LRRC3B: variants seen among roughly 807,000 people sequenced by gnomAD.
The protein encoded by LRRC3B is leucine-rich repeat-containing protein 3B.
LRRC3B carries 2 observed loss-of-function variants against 12.8 expected under a neutral mutation model. That is an observed-to-expected ratio of 0.16 (90% CI 0.06 to 0.49). LRRC3B has a LOEUF of 0.49. Ranked by LOEUF, LRRC3B falls within the 20% of genes least tolerant of loss-of-function variation. The pLI is 0.96. For missense variants in LRRC3B, 189 were observed against 319.4 expected (o/e 0.59, Z 3.11); for synonymous variants, 132 against 122.0 (o/e 1.08, Z -0.54).
rs143392773 is a variant in LRRC3B, at chr3:26,673,788, C to T, written c.-160-35725C>T. Among the ~76,000 whole-genome samples the T allele has an allele frequency of 4.8e-3, 733 of 152,240 alleles. 4 individuals are homozygous for T. Among genetic ancestry groups the T allele is most frequent in the African/African-American group, 0.016 (682 of 41,538 alleles). ...CCTCCACTGAAACAGGAAGTCTGCA[C>T]AAAATCAGTCAGCTCTAGGAGAGTT... On this transcript the variant is annotated intron_variant, in intron 1 of 1. Coordinates refer to ENST00000396641, the Ensembl canonical transcript of LRRC3B.
At chr3:26,644,678 C>T (rs895457077) in intron 1 of LRRC3B, among the ~76,000 whole-genome samples, 11 of 152,222 alleles carry the variant, frequency 7.2e-5, no homozygotes, top group Non-Finnish European at 1.2e-4. Context: ...TTATTAAGGG[C>T]ATTTTGGGAC....
rs9854958 is a variant in LRRC3B, at chr3:26,639,700, C to T, written c.-161+16463C>T. Among the ~76,000 whole-genome samples, 1,381 of 152,170 alleles carry T rather than the reference C, an allele frequency of 9.1e-3. 23 individuals carry two copies. Among genetic ancestry groups the T allele is most frequent in the African/African-American group, 0.031 (1,294 of 41,516 alleles). ...CAATTGGAGAGGAATTCAGAAGCAC[C>T]GTGTGGGCTTTAAACTCACTGGAAA... On this transcript the variant is annotated intron_variant, in intron 1 of 1. Coordinates refer to ENST00000396641, the Ensembl canonical transcript of LRRC3B.
At chr3:26,709,468 T>C (rs545893406) in intron 1 of LRRC3B, 45 bp from the exon 2 acceptor site, 3 of 595,854 alleles carry the variant, frequency 5.0e-6, no homozygotes, top group Admixed American at 3.0e-5. Flanking sequence ...ACAATGTACC[T>C]CCCTTTGCAA....
At chr3:26,691,133 A>ATATATATATATATATG (rs1559368596) in intron 1 of LRRC3B, among the ~76,000 whole-genome samples, 2 of 143,244 alleles carry the variant, frequency 1.4e-5, no homozygotes, top group African/African-American at 2.5e-5. Context: ...ATATATATAT[A>ATATATATATATATATG]TGAGACAGGA....
intron 1 of LRRC3B, among the ~76,000 whole-genome samples, chr3:26,655,039 A>T (rs1334863314): frequency 2.0e-5 from 3 of 152,074 alleles, no homozygotes; most frequent in Non-Finnish European, 4.4e-5. Flanking sequence ...TTTATTTATC[A>T]ATCTACTTAT....
chr3:26,686,572 T>C (rs1700093155), intron 1 of LRRC3B, among the ~76,000 whole-genome samples: 2 of 152,290 alleles, frequency 1.3e-5, no homozygotes, highest in African/African-American at 4.8e-5. Flanking sequence ...TTGGAGTATA[T>C]ACCAACCTCA....
intron 1 of LRRC3B, among the ~76,000 whole-genome samples, chr3:26,652,973 A>G (rs6551122): frequency 6.6e-6 from 1 of 151,772 alleles, no homozygotes; most frequent in Non-Finnish European, 1.5e-5. Context: ...TCTGGAGATA[A>G]CTGTCATTTC....
At chr3:26,691,536 C>T (rs574601549) in intron 1 of LRRC3B, among the ~76,000 whole-genome samples, 9 of 152,092 alleles carry the variant, frequency 5.9e-5, no homozygotes, top group African/African-American at 1.2e-4. Flanking sequence ...GAAATAAAAA[C>T]GGGAAGGAAG....
intron 1 of LRRC3B, among the ~76,000 whole-genome samples, chr3:26,689,041 A>G (rs1409618560): frequency 1.3e-5 from 2 of 152,174 alleles, no homozygotes; most frequent in East Asian, 3.9e-4. Context: ...CACTTTCCAC[A>G]GGTGGAGAGA....
intron 1 of LRRC3B, among the ~76,000 whole-genome samples, chr3:26,666,494 C>T (rs1484361960): frequency 5.3e-5 from 8 of 151,990 alleles, no homozygotes; most frequent in Non-Finnish European, 1.2e-4. Context: ...GGGCTTTGTA[C>T]CTATTATCTC....
chr3:26,635,827 G>T (rs1223790780), intron 1 of LRRC3B, among the ~76,000 whole-genome samples: 2 of 152,210 alleles, frequency 1.3e-5, no homozygotes, highest in Non-Finnish European at 2.9e-5. Context: ...TCTGTTTAAT[G>T]AATCAATGAA....
intron 1 of LRRC3B, among the ~76,000 whole-genome samples, chr3:26,665,164 C>T (rs1699573877): frequency 1.3e-5 from 2 of 151,990 alleles, no homozygotes; most frequent in African/African-American, 4.8e-5. Flanking sequence ...AGAGCATCCA[C>T]AGCATCTCCT....
chr3:26,677,500 C>A (rs1184686383), intron 1 of LRRC3B, among the ~76,000 whole-genome samples: 1 of 152,176 alleles, frequency 6.6e-6, no homozygotes, highest in African/African-American at 2.4e-5. Context: ...GAAGGGCTGG[C>A]AGGCTTGTAT....
chr3:26,640,110 C>A (rs1323316313), intron 1 of LRRC3B, among the ~76,000 whole-genome samples: 1 of 152,176 alleles, frequency 6.6e-6, no homozygotes, highest in Non-Finnish European at 1.5e-5. Flanking sequence ...GGTGTGGGAT[C>A]TAGGAAACTG....
chr3:26,628,126 G>A (rs910943759), intron 1 of LRRC3B, among the ~76,000 whole-genome samples: 3 of 152,126 alleles, frequency 2.0e-5, no homozygotes, highest in Non-Finnish European at 4.4e-5. Flanking sequence ...GTCTGCTGGG[G>A]AGATTCTTTG....
At position 26,687,539 on chromosome 3, in the gene LRRC3B, C is replaced by CTGTT. The variant is rs1700112160; in HGVS notation, c.-160-21973_-160-21970dup. Among the ~76,000 whole-genome samples the CTGTT allele has an allele frequency of 2.0e-5, 3 of 152,318 alleles. No homozygotes were observed. The South Asian group carries it at 6.2e-4, about 32-fold the overall frequency. On this transcript the variant is annotated intron_variant, in intron 1 of 1. Transcript: ENST00000396641. ...CTTTTTCTTTTCTTTGAAGAAGCTA[C>CTGTT]TGTTAGAGGGAGCTACCCCCACTTC...
At chr3:26,640,147 C>CT (rs1226389622) in intron 1 of LRRC3B, among the ~76,000 whole-genome samples, 1 of 152,112 alleles carries the variant, frequency 6.6e-6, no homozygotes, top group Non-Finnish European at 1.5e-5. Context: ...CTCTTACTCC[C>CT]TTTACTCTCC....
At chr3:26,705,148 C>T (rs546082597) in intron 1 of LRRC3B, among the ~76,000 whole-genome samples, 2 of 152,284 alleles carry the variant, frequency 1.3e-5, no homozygotes, top group African/African-American at 4.8e-5. Context: ...AATGGCCTGT[C>T]TTCTCAGTGA....
exon 2 of LRRC3B, chr3:26,710,590 C>A: frequency 1.2e-6 from 1 of 858,824 alleles, no homozygotes; most frequent in Non-Finnish European, 1.7e-6. Context: ...CACTGCTGAA[C>A]TTTTAACAAA....
Sources: allele counts gnomAD v4.1 joint callset (sites outside exome capture counted in the v4.1 genomes callset), GRCh38; gene constraint gnomAD v4.1.1; transcripts MANE v1.5; gene names NCBI Gene and HGNC (gene_info 2026-07-23, HGNC 2026-07-21).